MYO9A: variants seen among roughly 807,000 people sequenced by gnomAD.
The protein encoded by MYO9A is unconventional myosin-IXa.
Under a neutral mutation model 293.3 loss-of-function variants are expected in MYO9A, and 103 were observed. The observed-to-expected ratio is 0.35, with a 90% confidence interval of 0.30 to 0.41. The LOEUF (loss-of-function observed/expected upper bound fraction) is 0.41, where lower values mean the gene tolerates loss of function less well. Among genes scored for constraint, MYO9A ranks in the 10% least tolerant of loss-of-function variants. The pLI, the probability that MYO9A is intolerant of heterozygous loss-of-function variation, is 1.00. For missense variants in MYO9A, 2,685 were observed against 3,033.0 expected (o/e 0.89, Z 2.69); for synonymous variants, 1,001 against 1,035.7 (o/e 0.97, Z 0.64).
intron 40 of MYO9A, among the ~76,000 whole-genome samples, chr15:71,829,749 C>A (rs1160829166): frequency 6.6e-6 from 1 of 152,120 alleles, no homozygotes; most frequent in African/African-American, 2.4e-5. Context: ...GGAGGCTGGT[C>A]TCCGACCTGT....
At chr15:71,853,804 G>C (rs1439387387) in intron 35 of MYO9A, among the ~76,000 whole-genome samples, 1 of 152,170 alleles carries the variant, frequency 6.6e-6, no homozygotes, top group Non-Finnish European at 1.5e-5. Flanking sequence ...ATCAGTGTAG[G>C]CAGGCAAGAA....
At chr15:71,827,144 G>T (rs566385514) in intron 41 of MYO9A, 101 bp from the exon 42 acceptor site, 3 of 929,022 alleles carry the variant, frequency 3.2e-6, no homozygotes, top group Non-Finnish European at 4.8e-6. Flanking sequence ...AATTGGGTGG[G>T]ATAAGATTCA....
At chr15:71,922,769 G>T (rs1467042156) in intron 18 of MYO9A, among the ~76,000 whole-genome samples, 1 of 152,104 alleles carries the variant, frequency 6.6e-6, no homozygotes, top group Non-Finnish European at 1.5e-5. Context: ...AATTCCTGGG[G>T]AGCAAATATG....
chr15:71,941,392 GC>G (rs1272578121), intron 15 of MYO9A, among the ~76,000 whole-genome samples: 3 of 152,102 alleles, frequency 2.0e-5, no homozygotes, highest in Admixed American at 6.5e-5. Flanking sequence ...CCAAGATCGC[GC>G]CATTGCACTC....
intron 1 of MYO9A, among the ~76,000 whole-genome samples, chr15:72,072,332 C>T (rs568464862): frequency 1.6e-4 from 25 of 151,992 alleles, no homozygotes; most frequent in Non-Finnish European, 3.2e-4. Flanking sequence ...GGGGTTTCAC[C>T]GTGTTAGCCG....
chr15:71,920,973 A>T (rs143723594), intron 18 of MYO9A, among the ~76,000 whole-genome samples: 270 of 152,306 alleles, frequency 1.8e-3, no homozygotes, highest in African/African-American at 6.4e-3. Context: ...TTTGAGCCCA[A>T]GTGACTATAA....
At chr15:71,892,410 A>T (rs187166782) in intron 26 of MYO9A, 3 of 152,336 alleles carry the variant, frequency 2.0e-5, no homozygotes, top group Admixed American at 2.0e-4. Flanking sequence ...AAAAAATGTA[A>T]AAGTGCATTG....
chr15:71,972,228 T>C (rs1309239777), intron 12 of MYO9A: 1 of 152,208 alleles, frequency 6.6e-6, no homozygotes, highest in Non-Finnish European at 1.5e-5. Context: ...TAGCCGAACA[T>C]ATGGGTGCTC....
At chr15:71,925,259 A>G (rs12148076) in intron 18 of MYO9A, among the ~76,000 whole-genome samples, 1,758 of 137,070 alleles carry the variant, frequency 0.013, 49 homozygotes, top group Admixed American at 0.053. Context: ...ACGTATACAC[A>G]TATATACATA....
At chr15:72,028,799 A>T (rs2077768038) in intron 3 of MYO9A, among the ~76,000 whole-genome samples, 1 of 152,190 alleles carries the variant, frequency 6.6e-6, no homozygotes, top group Non-Finnish European at 1.5e-5. Flanking sequence ...GTTTCTTTTT[A>T]TATATTTACG....
chr15:71,867,798 T>TCACTCACACACACACACACACACA (rs2056381364), intron 32 of MYO9A, among the ~76,000 whole-genome samples: 1 of 127,542 alleles, frequency 7.8e-6, no homozygotes, highest in African/African-American at 3.0e-5. Context: ...TGGGAATCCA[T>TCACTCACACACACACACACACACA]CACACACACA....
At position 71,898,215 on chromosome 15, in the gene MYO9A, T is replaced by A; in HGVS notation, c.4288A>T (p.Lys1430Ter). The A allele has an allele frequency of 6.2e-7, 1 of 1,614,170 alleles. No homozygotes were observed. The highest frequency in any genetic ancestry group is 8.5e-7 in the Non-Finnish European group (1 of 1,180,022). ...CTTGTGTCTAGTTGGGAATTTGTTT[T>A]CAGTGGGTCTTGTTGGGGGATATAA... ...FFYIPQQDPL[K>*]TNSQLDTSIQ... The change falls in exon 25 of 42, where the codon AAA (lysine) becomes TAA (stop). Residue 1430 changes from lysine (K) to a stop codon, truncating the protein, a stop_gained. Coordinates refer to ENST00000356056, the MANE Select transcript of MYO9A (RefSeq NM_006901.4). LOFTEE classifies it high-confidence loss of function.
At chr15:71,848,209 A>C (rs1042548293) in intron 39 of MYO9A, among the ~76,000 whole-genome samples, 1 of 151,172 alleles carries the variant, frequency 6.6e-6, no homozygotes, top group Non-Finnish European at 1.5e-5. Context: ...ACTAATCAAT[A>C]AGGCTGAAGC....
chr15:72,020,399 A>C (rs758211014), intron 5 of MYO9A, among the ~76,000 whole-genome samples: 1 of 152,162 alleles, frequency 6.6e-6, no homozygotes, highest in Non-Finnish European at 1.5e-5. Context: ...TCTCTAAGTC[A>C]TTTGCCTTTG....
intron 1 of MYO9A, among the ~76,000 whole-genome samples, chr15:72,110,590 GACAA>G (rs1026929481): frequency 2.6e-5 from 4 of 152,004 alleles, no homozygotes; most frequent in African/African-American, 9.7e-5. Flanking sequence ...GTTTGTCATT[GACAA>G]ACAGAACACA....
At chr15:71,842,714 G>A (rs568898019) in intron 39 of MYO9A, among the ~76,000 whole-genome samples, 5 of 151,548 alleles carry the variant, frequency 3.3e-5, no homozygotes, top group African/African-American at 1.2e-4. Flanking sequence ...AAAAAAATCA[G>A]CCGGGCGTGG....
At position 72,101,725 on chromosome 15, in the gene MYO9A, T is replaced by C. The variant is rs1441251224; in HGVS notation, c.-72+15955A>G. On this transcript the variant is annotated intron_variant, in intron 1 of 41. Coordinates refer to ENST00000356056, the MANE Select transcript of MYO9A (RefSeq NM_006901.4). ...GCCCCCCGCCCGGCCAGCCGCCCCG[T>C]CTGGGAGGTGAGGGGCGCCTCTGCC... 3.5e-3 allele frequency among the ~76,000 whole-genome samples: 306 copies of C among 87,366 alleles called. 1 individual carries two copies. The highest frequency in any genetic ancestry group is 0.033 in the Admixed American group (255 of 7,840). 57.3% of individuals were successfully genotyped at this position (87,366 alleles called of 152,430 possible). A position where few individuals can be genotyped will look rare whatever the true frequency, so the allele number is the denominator to read the frequency against.
chr15:72,096,375 C>T (rs1169527821), intron 1 of MYO9A, among the ~76,000 whole-genome samples: 3 of 152,076 alleles, frequency 2.0e-5, no homozygotes, highest in African/African-American at 7.2e-5. Flanking sequence ...ATCTACTTTG[C>T]CTTTGCTCTC....
chr15:71,905,423 T>C (rs2057602301), intron 19 of MYO9A, among the ~76,000 whole-genome samples: 1 of 152,192 alleles, frequency 6.6e-6, no homozygotes, highest in African/African-American at 2.4e-5. Context: ...CCTTTTTTTA[T>C]TCCTGATAAT....
Sources: allele counts gnomAD v4.1 joint callset (sites outside exome capture counted in the v4.1 genomes callset), GRCh38; gene constraint gnomAD v4.1.1; transcripts MANE v1.5; gene names NCBI Gene and HGNC (gene_info 2026-07-23, HGNC 2026-07-21).